PRKCQ: variants seen among roughly 807,000 people sequenced by gnomAD.
The protein encoded by PRKCQ is protein kinase C theta, also known as protein kinase C theta type.
Under a neutral mutation model 91.2 loss-of-function variants are expected in PRKCQ, and 41 were observed. The observed-to-expected ratio is 0.45, with a 90% CI of 0.35 to 0.58. The LOEUF is 0.58. Ranked by LOEUF, PRKCQ falls within the 20% of genes least tolerant of loss-of-function variation. The pLI, the probability that PRKCQ is intolerant of heterozygous loss-of-function variation, is 0.00. For synonymous variants in PRKCQ, 307 were observed against 316.9 expected (o/e 0.97, Z 0.33); for missense variants, 673 against 896.5 (o/e 0.75, Z 3.18).
intron 15 of PRKCQ, among the ~76,000 whole-genome samples, chr10:6,453,923 G>A (rs968611037): frequency 3.3e-5 from 5 of 151,872 alleles, no homozygotes; most frequent in African/African-American, 1.2e-4. Flanking sequence ...GACTGTTGTG[G>A]GGTGGGGGGA....
the PRKCQ span, among the ~76,000 whole-genome samples, chr10:6,414,877 C>A: frequency 4.0e-5 from 6 of 151,592 alleles, no homozygotes; most frequent in South Asian, 2.1e-4. Context: ...CAATTGGAGA[C>A]CCAAAGGAGG....
At chr10:6,507,041 C>G (rs1838232777) in intron 4 of PRKCQ, among the ~76,000 whole-genome samples, 1 of 152,148 alleles carries the variant, frequency 6.6e-6, no homozygotes, top group South Asian at 2.1e-4. Context: ...TGATTGACTT[C>G]TTACTTATTT....
At chr10:6,445,498 G>A (rs529317855) in intron 15 of PRKCQ, among the ~76,000 whole-genome samples, 3 of 152,270 alleles carry the variant, frequency 2.0e-5, no homozygotes, top group African/African-American at 4.8e-5. Context: ...TATCTGGCCC[G>A]CTTCTTATAA....
chr10:6,412,991 T>C, the PRKCQ span, among the ~76,000 whole-genome samples: 10 of 152,216 alleles, frequency 6.6e-5, no homozygotes, highest in African/African-American at 2.4e-4. Context: ...CTCACTCTGT[T>C]GCCCAGGCTG....
At chr10:6,511,974 T>A (rs1838497565) in intron 2 of PRKCQ, among the ~76,000 whole-genome samples, 2 of 151,872 alleles carry the variant, frequency 1.3e-5, no homozygotes, top group African/African-American at 4.9e-5. Context: ...ACAAACTTTT[T>A]AAAAAATCTT....
intron 4 of PRKCQ, among the ~76,000 whole-genome samples, chr10:6,505,270 T>C (rs968671251): frequency 1.3e-5 from 2 of 152,192 alleles, no homozygotes; most frequent in African/African-American, 4.8e-5. Flanking sequence ...CCGATTGAAT[T>C]TGCTCTCTCA....
At chr10:6,496,991 C>G (rs758414216) in intron 7 of PRKCQ, 44 bp downstream of exon 7, 12 of 1,547,988 alleles carry the variant, frequency 7.8e-6, no homozygotes, top group East Asian at 4.5e-5. Context: ...ATTTAACGTT[C>G]TGATAAAAAT....
intron 1 of PRKCQ, among the ~76,000 whole-genome samples, chr10:6,515,990 C>T (rs530258816): frequency 6.6e-4 from 100 of 152,298 alleles, no homozygotes; most frequent in African/African-American, 2.3e-3. Context: ...TCCCATTAAT[C>T]TGAAACTATC....
intron 11 of PRKCQ, 28 bp downstream of exon 11, chr10:6,483,412 C>A: frequency 6.2e-7 from 1 of 1,613,818 alleles, no homozygotes. Context: ...GGAGTTGGGC[C>A]ATAGCATTCT....
At chr10:6,409,256 A>G in the PRKCQ span, among the ~76,000 whole-genome samples, 1 of 152,206 alleles carries the variant, frequency 6.6e-6, no homozygotes. Context: ...CCCCGCAGCC[A>G]GAAGTTGAAG....
intron 1 of PRKCQ, among the ~76,000 whole-genome samples, chr10:6,568,757 C>G (rs1406388842): frequency 6.6e-6 from 1 of 152,216 alleles, no homozygotes; most frequent in East Asian, 1.9e-4. Flanking sequence ...CTCGGCCTCC[C>G]AAAGTGCTGA....
At chr10:6,544,399 C>G (rs79023350) in intron 1 of PRKCQ, among the ~76,000 whole-genome samples, 6,252 of 152,180 alleles carry the variant, frequency 0.041, 441 homozygotes, top group African/African-American at 0.14. Flanking sequence ...TCTAATAATG[C>G]GATGACCACA....
chr10:6,469,394 T>C (rs570291772), intron 12 of PRKCQ, among the ~76,000 whole-genome samples: 1 of 152,248 alleles, frequency 6.6e-6, no homozygotes, highest in African/African-American at 2.4e-5. Context: ...GGCTTGAGGC[T>C]GTTTAGGTAT....
At chr10:6,505,453 TTTTG>T (rs1163367516) in intron 4 of PRKCQ, among the ~76,000 whole-genome samples, 2 of 151,894 alleles carry the variant, frequency 1.3e-5, no homozygotes, top group Non-Finnish European at 2.9e-5. Flanking sequence ...TCTTTCTTTC[TTTTG>T]AAGGACCCTT....
chr10:6,507,105 C>A (rs1472971541), intron 4 of PRKCQ, among the ~76,000 whole-genome samples: 1 of 152,200 alleles, frequency 6.6e-6, no homozygotes, highest in Non-Finnish European at 1.5e-5. Context: ...TAACCATAGA[C>A]AATGTGTACA....
chr10:6,563,009 G>A (rs1840691740), intron 1 of PRKCQ, among the ~76,000 whole-genome samples: 1 of 151,938 alleles, frequency 6.6e-6, no homozygotes, highest in Non-Finnish European at 1.5e-5. Context: ...TTGAAAAAAG[G>A]CTATGGATTC....
At chr10:6,450,382 A>G (rs962769526) in intron 15 of PRKCQ, among the ~76,000 whole-genome samples, 4 of 152,030 alleles carry the variant, frequency 2.6e-5, no homozygotes, top group African/African-American at 4.8e-5. Context: ...AGAGCTAACT[A>G]TCCTAAATAT....
intron 7 of PRKCQ, among the ~76,000 whole-genome samples, chr10:6,495,302 T>A (rs1468242769): frequency 6.6e-6 from 1 of 152,200 alleles, no homozygotes; most frequent in Non-Finnish European, 1.5e-5. Flanking sequence ...CAGGCCTTGG[T>A]GCCTTCCCCA....
At position 6,487,140 on chromosome 10, in the gene PRKCQ, C is replaced by T. The variant is rs574893042; in HGVS notation, c.791-996G>A. On this transcript the variant is annotated intron_variant, in intron 8 of 17. Coordinates refer to ENST00000263125, the MANE Select transcript of PRKCQ (RefSeq NM_006257.5). ...CCCTGTACCCATGCCTCCTGAAAAC[C>T]TCGTGTGATTATGGGAAGGGTAGAG... Among the ~76,000 whole-genome samples the T allele has an allele frequency of 3.3e-5, 5 of 152,184 alleles. No individual in the cohort carries two copies. The South Asian group carries it at 1.0e-3, about 32-fold the overall frequency.
Sources: allele counts gnomAD v4.1 joint callset (sites outside exome capture counted in the v4.1 genomes callset), GRCh38; gene constraint gnomAD v4.1.1; transcripts MANE v1.5; gene names NCBI Gene and HGNC (gene_info 2026-07-23, HGNC 2026-07-21).